The following DNAH8 variants were observed in gnomAD, a reference collection of about 807,000 sequenced individuals.
DNAH8 encodes dynein axonemal heavy chain 8, also known as axonemal beta dynein heavy chain 8.
Under a neutral mutation model 562.1 loss-of-function variants are expected in DNAH8, and 382 were observed. The observed-to-expected ratio is 0.68, with a 90% confidence interval of 0.63 to 0.74. The LOEUF (loss-of-function observed/expected upper bound fraction) is 0.74, where lower values mean the gene tolerates loss of function less well. Ranked by LOEUF, DNAH8 falls within the 30% of genes least tolerant of loss-of-function variation. The pLI is 0.00. For synonymous variants in DNAH8, 1,881 were observed against 1,919.4 expected (o/e 0.98, Z 0.52); for missense variants, 5,203 against 5,620.4 (o/e 0.93, Z 2.37).
At chr6:39,019,858 G>T (rs1264156749) in intron 91 of DNAH8, among the ~76,000 whole-genome samples, 2 of 152,176 alleles carry the variant, frequency 1.3e-5, no homozygotes, top group Non-Finnish European at 2.9e-5. Context: ...AGAGGCTGTG[G>T]TTGTCAATGC....
At chr6:39,014,587 A>C (rs1258650348) in intron 91 of DNAH8, among the ~76,000 whole-genome samples, 1 of 152,222 alleles carries the variant, frequency 6.6e-6, no homozygotes, top group Non-Finnish European at 1.5e-5. Flanking sequence ...TGTGAGAACT[A>C]AGTGCCATGG....
intron 57 of DNAH8, among the ~76,000 whole-genome samples, chr6:38,889,706 A>C (rs1779206686): frequency 6.6e-6 from 1 of 152,190 alleles, no homozygotes; most frequent in Non-Finnish European, 1.5e-5. Context: ...TCCCACAGGA[A>C]GGTGGAAATC....
intron 92 of DNAH8, among the ~76,000 whole-genome samples, chr6:39,028,620 T>G (rs570595551): frequency 3.3e-5 from 5 of 152,224 alleles, no homozygotes; most frequent in Non-Finnish European, 5.9e-5. Flanking sequence ...AATTACATTC[T>G]AAGGTTCTGG....
Position 38,805,604 on chromosome 6 carries a change from T to C in DNAH8, c.3150+8T>C, listed in dbSNP as rs1771201415. 7.0e-7 allele frequency: 1 copy of C among 1,433,472 alleles called. No homozygotes were observed. The highest frequency in any genetic ancestry group is 9.8e-7 in the Non-Finnish European group (1 of 1,017,532). 88.8% of individuals were successfully genotyped at this position (1,433,472 alleles called of 1,614,324 possible). The stretch of plus-strand genomic sequence containing the variant: ...GAAGATGAATTTAAAAAGGTATTTA[T>C]TGTGGAACAACTTCATGCAATTCAC... On this transcript the variant is annotated splice_region_variant and intron_variant, in intron 23 of 92. Coordinates refer to ENST00000327475, the MANE Select transcript of DNAH8 (RefSeq NM_001206927.2).
At chr6:38,896,578 AAAACAAAC>A (rs376298695) in intron 60 of DNAH8, among the ~76,000 whole-genome samples, 327 of 151,348 alleles carry the variant, frequency 2.2e-3, no homozygotes, top group African/African-American at 6.4e-3. Context: ...CTGTCTCAAA[AAAACAAAC>A]AAACAAACAA....
At chr6:38,971,910 C>T in intron 83 of DNAH8, 1 of 332,034 alleles carries the variant, frequency 3.0e-6, no homozygotes, top group East Asian at 4.7e-5. Context: ...ATTTGGGAGA[C>T]ACACCTTCTG....
rs542920869 is a variant in DNAH8 at position 38,990,233 on chromosome 6, G to A, written c.13214+61G>A. ...TTTGTAACTCAGTCTGGCAAAGATG[G>A]TGCATTTCATTTTCTCTCCTAATCT... On this transcript the variant is annotated intron_variant, in intron 88 of 92. Transcript: ENST00000327475. 52 of 1,139,598 alleles carry A rather than the reference G, an allele frequency of 4.6e-5. No individual in the cohort carries two copies. In the African/African-American group the frequency reaches 7.2e-4, roughly 16 times the overall value. The allele number at this position is 1,139,598 out of a possible 1,614,324, so 70.6% of individuals were successfully genotyped here.
chr6:38,990,272 C>T (rs1764692584), intron 88 of DNAH8, 100 bp downstream of exon 88: 3 of 815,898 alleles, frequency 3.7e-6, no homozygotes, highest in East Asian at 2.6e-5. Flanking sequence ...TCCTTTCCCC[C>T]TTTTTTTATT....
chr6:39,028,784 C>G (rs1300942832), intron 92 of DNAH8, among the ~76,000 whole-genome samples: 1 of 152,146 alleles, frequency 6.6e-6, no homozygotes, highest in African/African-American at 2.4e-5. Context: ...GATTGTCACC[C>G]ACTGAGTTAA....
intron 9 of DNAH8, among the ~76,000 whole-genome samples, chr6:38,754,602 A>G (rs1462666936): frequency 6.6e-6 from 1 of 152,150 alleles, no homozygotes. Context: ...ATCAATTAAA[A>G]GGAAAGTTCC....
rs183005593 is a variant in DNAH8, at chr6:38,918,474, G to A, written c.10524+334G>A. ...GGTTTGGAGGTTGAATTTGATTACT[G>A]TATTTCAAACAAAACTTATAAAATT... On this transcript the variant is annotated intron_variant, in intron 70 of 92. Coordinates refer to ENST00000327475, the MANE Select transcript of DNAH8 (RefSeq NM_001206927.2). Among the ~76,000 whole-genome samples, 33 of 152,264 alleles carry A rather than the reference G, an allele frequency of 2.2e-4. No homozygotes were observed. The Middle Eastern group carries it at 0.01, about 47-fold the overall frequency.
In DNAH8 at chr6:38,847,024, A is replaced by G. The variant is rs75878425; in HGVS notation, c.5045+1251A>G. Among the ~76,000 whole-genome samples, 1,559 of 152,248 alleles carry G rather than the reference A, an allele frequency of 0.01. 89 individuals carry two copies. The East Asian group carries it at 0.15, about 14-fold the overall frequency. On this transcript the variant is annotated intron_variant, in intron 36 of 92. Transcript: ENST00000327475. ...TGGAAAGCCTGTTCCAGAACTAACC[A>G]CAGACTGACCTAGTAGTGAGTCATA...
At position 38,791,791 on chromosome 6, in the gene DNAH8, G is replaced by GT. The variant is rs373284942; in HGVS notation, c.2901+123dup. ...AGTAGCATTTAGACTTTTTTTTTTT[G>GT]TTTTTTGTGAACATTCTCTGCTCCA... On this transcript the variant is annotated intron_variant, in intron 21 of 92. Transcript: ENST00000327475. 9.7e-3 allele frequency: 9,262 copies of GT among 958,856 alleles called. 428 individuals are homozygous for GT. In the African/African-American group the frequency reaches 0.13, roughly 13 times the overall value. 59.4% of individuals were successfully genotyped at this position (958,856 alleles called of 1,614,324 possible).
At chr6:38,791,754 G>T in intron 21 of DNAH8, 80 bp downstream of exon 21, 2 of 1,453,098 alleles carry the variant, frequency 1.4e-6, no homozygotes, top group South Asian at 1.3e-5. Flanking sequence ...TCTAAAAGTA[G>T]AAACCTGGGT....
intron 31 of DNAH8, among the ~76,000 whole-genome samples, chr6:38,832,790 T>C (rs1437627493): frequency 1.3e-5 from 2 of 152,306 alleles, no homozygotes; most frequent in South Asian, 2.1e-4. Context: ...ATGTGGCCTG[T>C]GGGCTGTGGG....
At chr6:38,866,016 C>G (rs1302227143) in intron 45 of DNAH8, among the ~76,000 whole-genome samples, 1 of 152,154 alleles carries the variant, frequency 6.6e-6, no homozygotes, top group Non-Finnish European at 1.5e-5. Context: ...ACTTCATTTC[C>G]TGTCTGTCTC....
intron 10 of DNAH8, among the ~76,000 whole-genome samples, chr6:38,760,687 C>T (rs958247278): frequency 6.6e-6 from 1 of 152,084 alleles, no homozygotes. Flanking sequence ...GTGGATCCCT[C>T]ATGAATGGTT....
chr6:38,770,254 G>A (rs1767427084), intron 11 of DNAH8, among the ~76,000 whole-genome samples, 159 bp from the exon 12 acceptor site: 1 of 149,700 alleles, frequency 6.7e-6, no homozygotes, highest in African/African-American at 2.5e-5. Flanking sequence ...ATGAATAAAA[G>A]TGAGGTTGAA....
rs139107068 is a variant in DNAH8 at position 38,992,897 on chromosome 6, C to T, written c.13214+2725C>T. On this transcript the variant is annotated intron_variant, in intron 88 of 92. Transcript: ENST00000327475. Reference sequence around the variant, plus strand: ...GTTGCACATACAGTAAACATTCATACGCTCCATCGAGATCCAACAATTGTT... The same window carrying T: ...GTTGCACATACAGTAAACATTCATATGCTCCATCGAGATCCAACAATTGTT... Among the ~76,000 whole-genome samples, 82 of 152,210 alleles carry T rather than the reference C, an allele frequency of 5.4e-4. 2 individuals carry two copies. The East Asian group carries it at 0.011, about 20-fold the overall frequency.
Sources: allele counts gnomAD v4.1 joint callset (sites outside exome capture counted in the v4.1 genomes callset), GRCh38; gene constraint gnomAD v4.1.1; transcripts MANE v1.5; gene names NCBI Gene and HGNC (gene_info 2026-07-23, HGNC 2026-07-21).